Variants in AACS observed in about 807,000 individuals in gnomAD.
AACS encodes the protein acetoacetate-CoA ligase.
Under a neutral mutation model 83.1 loss-of-function variants are expected in AACS, and 69 were observed. The ratio of observed to expected loss-of-function variants is 0.83; its 90% CI spans 0.68 to 1.01. The LOEUF is 1.01. AACS is among the 50% of genes least tolerant of loss of function. AACS has a pLI of 0.00. For synonymous variants in AACS, 333 were observed against 343.4 expected (o/e 0.97, Z 0.33); for missense variants, 866 against 882.2 (o/e 0.98, Z 0.23).
At chr12:125,135,590 A>G (rs1377874987) in intron 16 of AACS, among the ~76,000 whole-genome samples, 1 of 152,122 alleles carries the variant, frequency 6.6e-6, no homozygotes, top group Admixed American at 6.5e-5. Context: ...CAGGCCGCAG[A>G]GTTGGTCAGA....
In AACS at chr12:125,113,312, C is replaced by A. The variant is rs967920130; in HGVS notation, c.916-1165C>A. Among the ~76,000 whole-genome samples, 1 of 152,234 alleles carries A rather than the reference C, an allele frequency of 6.6e-6. No homozygotes were observed. The highest frequency in any genetic ancestry group is 1.5e-5 in the Non-Finnish European group (1 of 68,040). On this transcript the variant is annotated intron_variant, in intron 8 of 17. Coordinates refer to ENST00000316519, the MANE Select transcript of AACS (RefSeq NM_023928.5). The surrounding 1 kb of genome is among the most constrained non-coding windows in gnomAD (Gnocchi z 4.8). ...TTCAGCCTTCTAGGCCCTCCACAACCAGGAGCACCTTTGTGATGAGCCAGA... is the reference window on the plus strand; with the variant it reads ...TTCAGCCTTCTAGGCCCTCCACAACAAGGAGCACCTTTGTGATGAGCCAGA...
intron 1 of AACS, among the ~76,000 whole-genome samples, chr12:125,066,010 C>G (rs1053680677): frequency 6.6e-6 from 1 of 152,222 alleles, no homozygotes; most frequent in Non-Finnish European, 1.5e-5. Context: ...TGACCCCTTG[C>G]TAGGCTTTCC....
rs1235963756 is a variant in AACS, at chr12:125,082,396, G to A, written c.359-3934G>A. Among the ~76,000 whole-genome samples, 5 of 148,640 alleles carry A rather than the reference G, an allele frequency of 3.4e-5. No homozygotes were observed. In the East Asian group the frequency reaches 1.0e-3, roughly 30 times the overall value. On this transcript the variant is annotated intron_variant, in intron 3 of 17. Transcript: ENST00000316519. Reference sequence around the variant, plus strand: ...TCCCCATATTGCCTAGGCTGGTCTCGAACTCCTGGGCTCAAGTGATCCTCC... The same window carrying A: ...TCCCCATATTGCCTAGGCTGGTCTCAAACTCCTGGGCTCAAGTGATCCTCC...
chr12:125,133,532 G>A (rs1170023169), intron 14 of AACS, among the ~76,000 whole-genome samples: 2 of 152,200 alleles, frequency 1.3e-5, no homozygotes, highest in African/African-American at 4.8e-5. Flanking sequence ...TACATGACTC[G>A]GACTGGTGCA....
At chr12:125,093,413 C>T (rs917632198) in intron 5 of AACS, among the ~76,000 whole-genome samples, 1 of 152,214 alleles carries the variant, frequency 6.6e-6, no homozygotes, top group Non-Finnish European at 1.5e-5. Flanking sequence ...CATCCAGCCT[C>T]GCTGGGTCAT....
At chr12:125,091,223 G>A (rs1366000029) in intron 4 of AACS, 1 of 604,564 alleles carries the variant, frequency 1.7e-6, no homozygotes, top group East Asian at 2.9e-5. Flanking sequence ...AGAGCATGGA[G>A]AATGGATTGC....
Position 125,142,174 on chromosome 12 carries a change from C to G in AACS, c.1964C>G (p.Ser655Trp), listed in dbSNP as rs150578262. Residue 655 changes from serine to tryptophan, a missense_variant, in exon 18 of 18, where the codon TCG becomes TGG. Ser to Trp is a radical substitution (Grantham distance 177, BLOSUM62 -3). Coordinates refer to ENST00000316519, the MANE Select transcript of AACS (RefSeq NM_023928.5). The stretch of plus-strand genomic sequence containing the variant: ...GCCGTGGAGCAAGGAGGTGCTTTCT[C>G]GAACCCCGAGACCCTGGATCTGTAC... ...GKAVEQGGAFSNPETLDLYRD... is the reference protein window; with the variant it reads ...GKAVEQGGAFWNPETLDLYRD... 4.3e-6 allele frequency: 7 copies of G among 1,614,082 alleles called. No individual in the cohort carries two copies. In the Admixed American group the frequency reaches 5.0e-5, roughly 12 times the overall value.
chr12:125,133,484 G>A lies in AACS; in HGVS notation c.1550-519G>A, dbSNP rs561661727. 4.6e-5 allele frequency among the ~76,000 whole-genome samples: 7 copies of A among 152,222 alleles called. 1 individual carries two copies. Among genetic ancestry groups the A allele is most frequent in the South Asian group, 2.1e-4 (1 of 4,832 alleles). On this transcript the variant is annotated intron_variant, in intron 14 of 17. Coordinates refer to ENST00000316519, the MANE Select transcript of AACS (RefSeq NM_023928.5). ...ATCCCCTGGGTTTTACCTGCTAATC[G>A]GCTCTCTGTCCATGTGGCTAATGTT...
At chr12:125,138,847 G>A (rs1286847159) in intron 17 of AACS, 2 of 152,208 alleles carry the variant, frequency 1.3e-5, no homozygotes, top group Non-Finnish European at 2.9e-5. Flanking sequence ...TGCTGAGCTA[G>A]GGAGGGGTCC....
In AACS at chr12:125,140,977, AATC is replaced by A. The variant is rs1252121418; in HGVS notation, c.1882-1109_1882-1107del. The A allele has an allele frequency of 3.9e-5, 6 of 152,208 alleles. No homozygotes were observed. Among genetic ancestry groups the A allele is most frequent in the East Asian group, 3.8e-4 (2 of 5,198 alleles). 9.4% of individuals were successfully genotyped at this position (152,208 alleles called of 1,614,324 possible). On this transcript the variant is annotated intron_variant, in intron 17 of 17. Coordinates refer to ENST00000316519, the MANE Select transcript of AACS (RefSeq NM_023928.5). This position sits in a 1 kb window ranked among gnomAD's most constrained non-coding sequence, Gnocchi z 5.1. ...AGTAAAAAAGTATAAATAAAAGTAAAATCATCATAAAACATAGTAGCTAGGCAC... is the reference window on the plus strand; with the variant it reads ...AGTAAAAAAGTATAAATAAAAGTAAAATCATAAAACATAGTAGCTAGGCAC...
At chr12:125,096,005 C>T (rs986474761) in intron 5 of AACS, among the ~76,000 whole-genome samples, 3 of 152,212 alleles carry the variant, frequency 2.0e-5, no homozygotes, top group Admixed American at 6.5e-5. Flanking sequence ...CACTCTGTCT[C>T]CCAAGCTGGA....
At chr12:125,093,516 C>T (rs1956536643) in intron 5 of AACS, among the ~76,000 whole-genome samples, 1 of 152,240 alleles carries the variant, frequency 6.6e-6, no homozygotes, top group Non-Finnish European at 1.5e-5. Flanking sequence ...CTGTAGCAAA[C>T]ATGGTCTCGG....
chr12:125,065,898 C>T (rs114838995), intron 1 of AACS, among the ~76,000 whole-genome samples, 181 bp downstream of exon 1: 4,910 of 152,316 alleles, frequency 0.032, 266 homozygotes, highest in African/African-American at 0.11. Context: ...TCCACAGCAC[C>T]TCCTGGCACT....
rs1186000586 is a variant in AACS, at chr12:125,118,570, G to A, written c.997-71G>A. On this transcript the variant is annotated intron_variant, in intron 9 of 17. Transcript: ENST00000316519. ...CTTAGGTGGTTTCCCAGGGACACAG[G>A]AAGCTGAGGGGGCAGCGCTGGGGGG... The A allele has an allele frequency of 2.5e-6, 4 of 1,581,554 alleles. No individual in the cohort carries two copies. In the African/African-American group the frequency reaches 5.4e-5, roughly 21 times the overall value.
chr12:125,076,847 C>G (rs1468945675), intron 3 of AACS, among the ~76,000 whole-genome samples: 2 of 152,170 alleles, frequency 1.3e-5, no homozygotes, highest in African/African-American at 4.8e-5. Context: ...TTGTGTCACA[C>G]AGAAAGTTAA....
intron 8 of AACS, among the ~76,000 whole-genome samples, chr12:125,109,313 T>G (rs1040363031): frequency 2.0e-5 from 3 of 152,070 alleles, no homozygotes; most frequent in African/African-American, 7.2e-5. Context: ...GATGGGGTCT[T>G]GCTATGTTCC....
Position 125,107,114 on chromosome 12 carries a change from C to T in AACS, c.768-7C>T. ...CATGGCGTGTTTCCCTGCGTTTCGGCCCACAGTGTGTTTCTGGATGACTTT... is the reference window on the plus strand; with the variant it reads ...CATGGCGTGTTTCCCTGCGTTTCGGTCCACAGTGTGTTTCTGGATGACTTT... On this transcript the variant is annotated splice_polypyrimidine_tract_variant and splice_region_variant and intron_variant, in intron 7 of 17. Coordinates refer to ENST00000316519, the MANE Select transcript of AACS (RefSeq NM_023928.5). The T allele has an allele frequency of 6.2e-7, 1 of 1,614,098 alleles. No individual in the cohort carries two copies. The highest frequency in any genetic ancestry group is 8.5e-7 in the Non-Finnish European group (1 of 1,180,024).
chr12:125,128,491 G>A (rs1412243727), intron 13 of AACS: 3 of 417,816 alleles, frequency 7.2e-6, no homozygotes, highest in Non-Finnish European at 1.3e-5. Context: ...TCGAGCTGGA[G>A]GACAGGTGGA....
chr12:125,128,428 G>C, intron 13 of AACS, 154 bp downstream of exon 13: 2 of 633,306 alleles, frequency 3.2e-6, no homozygotes, highest in Non-Finnish European at 5.0e-6. Flanking sequence ...TTTCCCTCCA[G>C]CTTGGTTTAA....
Sources: gnomAD v4.1 joint callset for allele counts (sites outside exome capture counted in the v4.1 genomes callset) on GRCh38, gnomAD v4.1.1 for gene constraint, Gnocchi (gnomAD v3.1) non-coding constraint, MANE v1.5 for transcripts, NCBI Gene and HGNC (gene_info 2026-07-23, HGNC 2026-07-21) for gene names.